TAB2: variants seen among roughly 807,000 people sequenced by gnomAD.
TAB2 encodes the protein TGF-beta activated kinase 1 (MAP3K7) binding protein 2.
TAB2 carries 3 observed loss-of-function variants against 65.0 expected under a neutral mutation model. The observed-to-expected ratio is 0.05, with a 90% confidence interval of 0.02 to 0.12. The LOEUF is 0.12. TAB2 is among the 10% of genes least tolerant of loss of function. The probability of loss-of-function intolerance (pLI) is 1.00; values close to 1 mark genes in which losing one functional copy is unlikely to be tolerated. For missense variants in TAB2, 623 were observed against 840.3 expected, an observed-to-expected ratio of 0.74 and a Z score of 3.20; for synonymous variants, 298 against 285.1, an observed-to-expected ratio of 1.05 and a Z score of -0.46.
chr6:149,378,824 C>T lies in TAB2; in HGVS notation c.909C>T (p.Ser303=), dbSNP rs769244236. Residue 303 remains serine (S), a synonymous_variant, in exon 3 of 7, where the codon AGC becomes AGT. Transcript: ENST00000637181. ...SQPPTIHSSG[S]SQSSAHSQYN... is the part of the protein sequence containing the mutation. ...CACCAACCATTCATTCATCTGGTAG[C>T]TCACAGTCTTCTGCCCATAGCCAAT... The T allele has an allele frequency of 1.9e-6, 3 of 1,614,160 alleles. No homozygotes were observed. The highest frequency in any genetic ancestry group is 2.5e-6 in the Non-Finnish European group (3 of 1,180,032).
intron 1 of TAB2, among the ~76,000 whole-genome samples, chr6:149,339,804 G>A (rs983365545): frequency 8.6e-5 from 13 of 151,804 alleles, no homozygotes; most frequent in African/African-American, 2.9e-4. Context: ...TTACCATGTT[G>A]GCCAAGCTGG....
upstream of TAB2, among the ~76,000 whole-genome samples, chr6:149,313,145 A>G (rs1252284327): frequency 6.6e-6 from 1 of 152,052 alleles, no homozygotes; most frequent in Non-Finnish European, 1.5e-5. Flanking sequence ...ATATGCAGAT[A>G]TATTTTAATT....
chr6:149,361,891 C>T (rs938979996), intron 1 of TAB2, among the ~76,000 whole-genome samples: 3 of 152,212 alleles, frequency 2.0e-5, no homozygotes, highest in Non-Finnish European at 4.4e-5. Context: ...AGGGCATGAA[C>T]ACAATACAGC....
Position 149,317,834 on chromosome 6 carries a change from A to AGGGGGCTGAGCGGGGAGGGAGG in TAB2, c.-269_-248dup, listed in dbSNP as rs1554258427. On this transcript the variant is annotated 5_prime_UTR_variant, in exon 1 of 7. Transcript: ENST00000637181. This position sits in a 1 kb window ranked among gnomAD's most constrained non-coding sequence, Gnocchi z 4.7. ...GGAGTTGGCGGCGGCGGGCGAGCGGAGGGGGCTGAGCGGGGAGGGAGGGAG... is the reference window on the plus strand; with the variant it reads ...GGAGTTGGCGGCGGCGGGCGAGCGGAGGGGGCTGAGCGGGGAGGGAGGGGGGGCTGAGCGGGGAGGGAGGGAG... 6.2e-3 allele frequency: 957 copies of AGGGGGCTGAGCGGGGAGGGAGG among 153,760 alleles called. 4 individuals are homozygous for AGGGGGCTGAGCGGGGAGGGAGG. Among genetic ancestry groups the AGGGGGCTGAGCGGGGAGGGAGG allele is most frequent in the African/African-American group, 0.023 (903 of 38,514 alleles). 9.5% of individuals were successfully genotyped at this position (153,760 alleles called of 1,614,324 possible).
chr6:149,310,642 T>A (rs1301944924), intron 1 of TAB2, among the ~76,000 whole-genome samples: 1 of 152,180 alleles, frequency 6.6e-6, no homozygotes, highest in Non-Finnish European at 1.5e-5. Flanking sequence ...TCATTTGCAT[T>A]CTCTGTAAGT....
chr6:149,385,728 T>C (rs1195098780), intron 3 of TAB2, among the ~76,000 whole-genome samples: 1 of 152,164 alleles, frequency 6.6e-6, no homozygotes, highest in Non-Finnish European at 1.5e-5. Context: ...TGTAAATCCT[T>C]TCTGTACTTT....
intron 1 of TAB2, among the ~76,000 whole-genome samples, chr6:149,227,654 C>G (rs1441138589): frequency 6.6e-6 from 1 of 152,166 alleles, no homozygotes; most frequent in East Asian, 1.9e-4. Flanking sequence ...CCAGAACATC[C>G]CCAGTGAGGA....
intron 1 of TAB2, among the ~76,000 whole-genome samples, chr6:149,309,099 T>A (rs9498314): frequency 6.6e-6 from 1 of 152,156 alleles, no homozygotes; most frequent in Non-Finnish European, 1.5e-5. Flanking sequence ...GTGTTTCATC[T>A]TATTTTTTTA....
At chr6:149,401,044 C>A (rs1239981508) in intron 6 of TAB2, 5 of 199,508 alleles carry the variant, frequency 2.5e-5, no homozygotes, top group Admixed American at 1.1e-4. Context: ...ACTGTTTTAA[C>A]AACAACAAAA....
intron 1 of TAB2, among the ~76,000 whole-genome samples, chr6:149,242,537 C>T (rs1004692955): frequency 1.3e-5 from 2 of 152,150 alleles, no homozygotes; most frequent in Non-Finnish European, 2.9e-5. Context: ...TCATGACTGT[C>T]CCACAATACC....
chr6:149,225,268 A>G (rs1267253997), intron 1 of TAB2, among the ~76,000 whole-genome samples: 3 of 152,222 alleles, frequency 2.0e-5, no homozygotes, highest in African/African-American at 2.4e-5. Flanking sequence ...TAGGCCATCA[A>G]AATCCATCTG....
intron 3 of TAB2, chr6:149,380,195 C>G (rs1057395111): frequency 4.9e-6 from 1 of 205,220 alleles, no homozygotes. Flanking sequence ...GAACTGTGAC[C>G]ATACCACTCT....
chr6:149,277,445 C>T (rs1048866270), intron 1 of TAB2, among the ~76,000 whole-genome samples: 3 of 151,634 alleles, frequency 2.0e-5, no homozygotes, highest in Non-Finnish European at 4.4e-5. Context: ...GAGTAGTAGA[C>T]ATATCATTAA....
chr6:149,271,996 C>A (rs569741295), intron 1 of TAB2, among the ~76,000 whole-genome samples: 5 of 152,150 alleles, frequency 3.3e-5, no homozygotes, highest in African/African-American at 1.2e-4. Context: ...CTAGCCCCAC[C>A]CCCAACCCCC....
intron 1 of TAB2, among the ~76,000 whole-genome samples, chr6:149,301,207 C>A (rs568410196): frequency 6.6e-6 from 1 of 152,302 alleles, no homozygotes; most frequent in Admixed American, 6.5e-5. Context: ...TTAGGACAAC[C>A]AAAACCAGAA....
At chr6:149,337,538 T>C (rs1289706046) in intron 1 of TAB2, among the ~76,000 whole-genome samples, 1 of 152,184 alleles carries the variant, frequency 6.6e-6, no homozygotes, top group Non-Finnish European at 1.5e-5. Context: ...AGTTACAGAA[T>C]AGATGTGTTA....
In TAB2 at chr6:149,294,016, T is replaced by TA. The variant is rs371482118; in HGVS notation, c.-121+75248dup. On this transcript the variant is annotated intron_variant, in intron 1 of 1. Transcript: ENST00000606202. ...ATTTTTAAAGTTATAAGTGAAGAGC[T>TA]AAAAAAAACCCTAAGAATTGCTGTA... Among the ~76,000 whole-genome samples, 1,330 of 152,064 alleles carry TA rather than the reference T, an allele frequency of 8.7e-3. 29 individuals carry two copies. The highest frequency in any genetic ancestry group is 0.029 in the African/African-American group (1,223 of 41,460).
At chr6:149,267,801 T>C (rs1268007624) in intron 1 of TAB2, among the ~76,000 whole-genome samples, 3 of 152,124 alleles carry the variant, frequency 2.0e-5, no homozygotes, top group Admixed American at 1.3e-4. Context: ...CTGAATACTG[T>C]AGGCAACTGT....
At chr6:149,403,297 TATATATATATATATATACAC>T (rs1782533192) in intron 6 of TAB2, among the ~76,000 whole-genome samples, 1 of 54,996 alleles carries the variant, frequency 1.8e-5, no homozygotes, top group Admixed American at 1.8e-4. Context: ...CACACACACA[TATATATATATATATATACAC>T]ACACATATAT....
Sources: allele counts gnomAD v4.1 joint callset (sites outside exome capture counted in the v4.1 genomes callset), GRCh38; gene constraint gnomAD v4.1.1; non-coding constraint Gnocchi (gnomAD v3.1); transcripts MANE v1.5; gene names NCBI Gene and HGNC (gene_info 2026-07-23, HGNC 2026-07-21).